Variants in CSNK1E observed in about 807,000 individuals in gnomAD.
CSNK1E encodes the protein casein kinase I isoform epsilon.
In CSNK1E, 17 loss-of-function variants were observed where a neutral mutation model predicts 46.1. The ratio of observed to expected loss-of-function variants is 0.37; its 90% CI spans 0.25 to 0.55. The LOEUF (loss-of-function observed/expected upper bound fraction) is 0.55, where lower values mean the gene tolerates loss of function less well. Among genes scored for constraint, CSNK1E ranks in the 20% least tolerant of loss-of-function variants. The probability of loss-of-function intolerance (pLI) is 0.82; values close to 1 mark genes in which losing one functional copy is unlikely to be tolerated. For synonymous variants in CSNK1E, 241 were observed against 242.6 expected, an observed-to-expected ratio of 0.99 and a Z score of 0.06; for missense variants, 386 against 595.4, an observed-to-expected ratio of 0.65 and a Z score of 3.66.
intron 10 of CSNK1E, 147 bp downstream of exon 10, chr22:38,293,108 T>C (rs2092619984): frequency 2.8e-6 from 2 of 703,520 alleles, no homozygotes; most frequent in African/African-American, 3.5e-5. Context: ...TTAAACTACT[T>C]GAGGCCCCTT....
At position 38,294,280 on chromosome 22, in the gene CSNK1E, T is replaced by A. The variant is rs756414263; in HGVS notation, c.1079-32A>T. ...GGAGAGTGGGAAGCCACCCTCAGAG[T>A]AGGCACAAACAGAGCCCCCCACCCA... On this transcript the variant is annotated intron_variant, in intron 8 of 10. Transcript: ENST00000396832. This position sits in a 1 kb window ranked among gnomAD's most constrained non-coding sequence, Gnocchi z 5.5. The A allele has an allele frequency of 6.2e-7, 1 of 1,605,088 alleles. No individual in the cohort carries two copies. The highest frequency in any genetic ancestry group is 8.5e-7 in the Non-Finnish European group (1 of 1,177,026).
rs1490502817 is a variant in CSNK1E, at chr22:38,303,447, G to C, written c.77-199C>G. ...TGAGGGGAAAGAAGGTCAGCGCTGT[G>C]AGGGACAGAGGTGACACACAAGGGC... is the stretch of plus-strand genomic sequence containing the variant. On this transcript the variant is annotated intron_variant, in intron 2 of 10. Transcript: ENST00000396832. The surrounding 1 kb of genome is among the most constrained non-coding windows in gnomAD (Gnocchi z 4.7). Among the ~76,000 whole-genome samples the C allele has an allele frequency of 2.0e-5, 3 of 152,232 alleles. No homozygotes were observed. Among genetic ancestry groups the C allele is most frequent in the Non-Finnish European group, 4.4e-5 (3 of 68,044 alleles).
chr22:38,315,188 C>T (rs1033374925), intron 1 of CSNK1E, among the ~76,000 whole-genome samples: 1 of 152,218 alleles, frequency 6.6e-6, no homozygotes, highest in Non-Finnish European at 1.5e-5. Flanking sequence ...CTGGTGGTCT[C>T]CCACACTCAC....
In CSNK1E at chr22:38,304,813, C is replaced by T. The variant is rs150900325; in HGVS notation, c.77-1565G>A. The stretch of plus-strand genomic sequence containing the variant: ...TAAAGTACCGATACACGCTACGACA[C>T]GAGTGCACCTTGAAAACATTCTACC... On this transcript the variant is annotated intron_variant, in intron 2 of 10. Transcript: ENST00000396832. Among the ~76,000 whole-genome samples the T allele has an allele frequency of 3.3e-5, 5 of 152,234 alleles. No homozygotes were observed. In the East Asian group the frequency reaches 9.6e-4, roughly 29 times the overall value.
intron 2 of CSNK1E, among the ~76,000 whole-genome samples, chr22:38,308,564 A>G (rs1184830757): frequency 6.6e-6 from 1 of 152,148 alleles, no homozygotes; most frequent in Non-Finnish European, 1.5e-5. Flanking sequence ...AACCGATGAC[A>G]CTATCTGGCT....
Position 38,294,481 on chromosome 22 carries a change from G to A in CSNK1E, c.939C>T (p.Arg313=), listed in dbSNP as rs369439759. 1.0e-5 allele frequency: 16 copies of A among 1,593,674 alleles called. No individual in the cohort carries two copies. Among genetic ancestry groups the A allele is most frequent in the Middle Eastern group, 3.3e-4 (2 of 6,024 alleles). The part of the protein sequence containing the change: ...DVDRERREHE[R]EERMGQLRGS... ...CCCGTAGCTGCCCCATCCTCTCCTC[G>A]CGTTCGTGTTCTCGCCGCTCCCGGT... Residue 313 remains arginine (R), a synonymous_variant, in exon 8 of 11, where the codon CGC becomes CGT. Coordinates refer to ENST00000396832, the MANE Select transcript of CSNK1E (RefSeq NM_152221.3). The surrounding 1 kb of genome is among the most constrained non-coding windows in gnomAD (Gnocchi z 5.5).
In CSNK1E at chr22:38,314,077, C is replaced by T; in HGVS notation, c.76+5G>A. The T allele has an allele frequency of 6.2e-7, 1 of 1,613,812 alleles. No individual in the cohort carries two copies. Among genetic ancestry groups the T allele is most frequent in the Non-Finnish European group, 8.5e-7 (1 of 1,179,768 alleles). ...GGGGCTCCAGCTGGAGCTAGGAACACTTACCCAGGTAGATATCTCCGAAGG... is the reference window on the plus strand; with the variant it reads ...GGGGCTCCAGCTGGAGCTAGGAACATTTACCCAGGTAGATATCTCCGAAGG... On this transcript the variant is annotated splice_donor_5th_base_variant and intron_variant, in intron 2 of 10. Transcript: ENST00000396832.
chr22:38,311,781 C>A (rs964321037), intron 2 of CSNK1E, among the ~76,000 whole-genome samples: 8 of 151,980 alleles, frequency 5.3e-5, no homozygotes, highest in African/African-American at 1.7e-4. Context: ...TGGACTGGCC[C>A]CCACATCTCA....
At chr22:38,301,071 T>G in intron 4 of CSNK1E, 119 bp from the exon 5 acceptor site, 1 of 811,030 alleles carries the variant, frequency 1.2e-6, no homozygotes, top group South Asian at 1.6e-5. Context: ...CCTTCGACCA[T>G]GAAGGATAAC....
chr22:38,297,923 GT>G, intron 7 of CSNK1E: 1 of 1,115,192 alleles, frequency 9.0e-7, no homozygotes, highest in Non-Finnish European at 1.1e-6. Flanking sequence ...CAGGCCAGTA[GT>G]TTTGGGGGGA....
rs980151334 is a variant in CSNK1E, at chr22:38,300,591, A to T, written c.565+133T>A. ...ACGGAATAAGCACGAGCTTGGGGGC[A>T]GACGGGGTGGGGACTTTCTCACTAG... On this transcript the variant is annotated intron_variant, in intron 5 of 10. Coordinates refer to ENST00000396832, the MANE Select transcript of CSNK1E (RefSeq NM_152221.3). The surrounding 1 kb of genome is among the most constrained non-coding windows in gnomAD (Gnocchi z 4.4). 11 of 827,722 alleles carry T rather than the reference A, an allele frequency of 1.3e-5. No homozygotes were observed. In the African/African-American group the frequency reaches 1.9e-4, roughly 14 times the overall value. 51.3% of individuals were successfully genotyped at this position (827,722 alleles called of 1,614,324 possible). A position where few individuals can be genotyped will look rare whatever the true frequency, so the allele number is the denominator to read the frequency against.
chr22:38,295,942 T>C (rs1329203568), intron 7 of CSNK1E, among the ~76,000 whole-genome samples: 1 of 152,268 alleles, frequency 6.6e-6, no homozygotes, highest in African/African-American at 2.4e-5. Context: ...GAACACGAGC[T>C]GTGGCACCTC....
rs948100605 is a variant in CSNK1E at position 38,309,475 on chromosome 22, G to C, written c.76+4607C>G. On this transcript the variant is annotated intron_variant, in intron 2 of 10. Transcript: ENST00000396832. This position sits in a 1 kb window ranked among gnomAD's most constrained non-coding sequence, Gnocchi z 4.8. ...TGTATTTCTTTTTTCTTTTTTTTTT[G>C]AGACAGCTTCACTTTGTCGCCTGGG... Among the ~76,000 whole-genome samples the C allele has an allele frequency of 2.7e-5, 4 of 148,804 alleles. No homozygotes were observed. Among genetic ancestry groups the C allele is most frequent in the African/African-American group, 9.9e-5 (4 of 40,286 alleles).
At chr22:38,308,408 G>T (rs1223727476) in intron 2 of CSNK1E, among the ~76,000 whole-genome samples, 1 of 152,094 alleles carries the variant, frequency 6.6e-6, no homozygotes, top group African/African-American at 2.4e-5. Flanking sequence ...ATTTCCCCAT[G>T]AGCAGAGAGG....
At chr22:38,314,601 G>A (rs1227799896) in intron 1 of CSNK1E, among the ~76,000 whole-genome samples, 1 of 152,214 alleles carries the variant, frequency 6.6e-6, no homozygotes, top group East Asian at 1.9e-4. Flanking sequence ...CTACTGGGGG[G>A]AAGGCAGAAA....
Position 38,293,155 on chromosome 22 carries a change from A to T in CSNK1E, c.*32+100T>A, listed in dbSNP as rs904769012. On this transcript the variant is annotated intron_variant, in intron 10 of 10. Transcript: ENST00000396832. ...GCGCCTGGTACCATCTGCCACTGCC[A>T]CTGCCACCCACCCCTCCACAACACA... 3.1e-6 allele frequency: 3 copies of T among 964,426 alleles called. No homozygotes were observed. The African/African-American group carries it at 4.8e-5, about 15-fold the overall frequency. 59.7% of individuals were successfully genotyped at this position (964,426 alleles called of 1,614,324 possible).
rs1042852723 is a variant in CSNK1E at position 38,298,669 on chromosome 22, C to T, written c.885+117G>A. On this transcript the variant is annotated intron_variant, in intron 7 of 10. Coordinates refer to ENST00000396832, the MANE Select transcript of CSNK1E (RefSeq NM_152221.3). The surrounding 1 kb of genome is among the most constrained non-coding windows in gnomAD (Gnocchi z 4.2). The stretch of plus-strand genomic sequence containing the variant: ...CCCCAGTGAGGTCAACCACACTGTC[C>T]AGCTCGTACCTCCCGTCTGTCGGGA... 7.4e-6 allele frequency: 9 copies of T among 1,220,368 alleles called. No individual in the cohort carries two copies. Among genetic ancestry groups the T allele is most frequent in the Non-Finnish European group, 1.1e-5 (9 of 849,344 alleles). 75.6% of individuals were successfully genotyped at this position (1,220,368 alleles called of 1,614,324 possible).
intron 2 of CSNK1E, among the ~76,000 whole-genome samples, chr22:38,304,256 G>A (rs1177629856): frequency 2.0e-5 from 3 of 152,236 alleles, no homozygotes; most frequent in Non-Finnish European, 4.4e-5. Context: ...ACAGGAGAAA[G>A]GCAGGACCTC....
At chr22:38,292,159 G>A (rs1678856521) in intron 10 of CSNK1E, 1 of 151,628 alleles carries the variant, frequency 6.6e-6, no homozygotes, top group Non-Finnish European at 1.5e-5. Flanking sequence ...GCTAATTTTT[G>A]TGTTTTTAGT....
Sources: allele counts gnomAD v4.1 joint callset (sites outside exome capture counted in the v4.1 genomes callset), GRCh38; gene constraint gnomAD v4.1.1; non-coding constraint Gnocchi (gnomAD v3.1); transcripts MANE v1.5; gene names NCBI Gene and HGNC (gene_info 2026-07-23, HGNC 2026-07-21).